The following FGGY variants were observed in gnomAD, a reference collection of about 807,000 sequenced individuals.
FGGY encodes the protein FGGY carbohydrate kinase domain containing.
Under a neutral mutation model 71.3 loss-of-function variants are expected in FGGY, and 72 were observed. That is an observed-to-expected ratio of 1.01 (90% confidence interval 0.84 to 1.23). The LOEUF (loss-of-function observed/expected upper bound fraction) is 1.23. Ranked by LOEUF, FGGY falls within the 50% of genes most tolerant of loss-of-function variation. The probability of loss-of-function intolerance (pLI) is 0.00; values close to 1 mark genes in which losing one functional copy is unlikely to be tolerated. For missense variants in FGGY, 668 were observed against 682.3 expected (o/e 0.98, Z 0.23); for synonymous variants, 251 against 250.3 (o/e 1.00, Z -0.02).
intron 12 of FGGY, among the ~76,000 whole-genome samples, chr1:59,661,636 C>G (rs2097274492): frequency 6.6e-6 from 1 of 151,934 alleles, no homozygotes; most frequent in African/African-American, 2.4e-5. Context: ...ATTTAGCTGT[C>G]CTGTTTTATA....
intron 1 of FGGY, among the ~76,000 whole-genome samples, chr1:59,312,499 T>C (rs946052315): frequency 2.6e-5 from 4 of 152,184 alleles, no homozygotes; most frequent in Non-Finnish European, 4.4e-5. Context: ...GAAGAAGGCA[T>C]TATAAACAAG....
chr1:59,446,636 G>T (rs2071315073), intron 5 of FGGY, among the ~76,000 whole-genome samples: 1 of 152,168 alleles, frequency 6.6e-6, no homozygotes, highest in African/African-American at 2.4e-5. Context: ...TTCAGGGCTG[G>T]TAATTCAGTC....
intron 15 of FGGY, among the ~76,000 whole-genome samples, chr1:59,759,935 T>C (rs1413875114): frequency 3.9e-5 from 6 of 152,224 alleles, no homozygotes; most frequent in Non-Finnish European, 4.4e-5. Context: ...TATGTGGCTC[T>C]GGAAGAGTCA....
chr1:59,333,258 T>C (rs1006699753), intron 2 of FGGY, among the ~76,000 whole-genome samples: 1 of 152,218 alleles, frequency 6.6e-6, no homozygotes, highest in African/African-American at 2.4e-5. Flanking sequence ...AAGTCAGACA[T>C]GCACTTTCTG....
chr1:59,546,514 G>T (rs867809983), intron 7 of FGGY, among the ~76,000 whole-genome samples: 25 of 144,898 alleles, frequency 1.7e-4, no homozygotes, highest in African/African-American at 6.4e-4. Context: ...TGATGATGAT[G>T]ATGATGATGA....
chr1:59,329,652 C>T (rs1201886756), intron 2 of FGGY, among the ~76,000 whole-genome samples: 1 of 152,168 alleles, frequency 6.6e-6, no homozygotes, highest in East Asian at 1.9e-4. Flanking sequence ...TGCAATGCTC[C>T]CTTTAGCGTA....
chr1:59,525,556 G>A (rs1411750371), intron 7 of FGGY, among the ~76,000 whole-genome samples: 1 of 152,176 alleles, frequency 6.6e-6, no homozygotes, highest in Non-Finnish European at 1.5e-5. Flanking sequence ...GCCATACTCT[G>A]TGTGTGTTTA....
At chr1:59,372,184 AAAG>A (rs1398265956) in intron 4 of FGGY, among the ~76,000 whole-genome samples, 4,248 of 152,250 alleles carry the variant, frequency 0.028, 214 homozygotes, top group African/African-American at 0.097. Flanking sequence ...ATAAAGAAAA[AAAG>A]AAGAATCAAA....
chr1:59,701,728 AGG>A (rs1437228701), intron 14 of FGGY, among the ~76,000 whole-genome samples: 1 of 152,040 alleles, frequency 6.6e-6, no homozygotes, highest in Non-Finnish European at 1.5e-5. Context: ...GTGTTTGGAG[AGG>A]GGTATGCATG....
Position 59,412,212 on chromosome 1 carries a change from G to T in FGGY, c.554+33375G>T, listed in dbSNP as rs116663776. On this transcript the variant is annotated intron_variant, in intron 5 of 15. Coordinates refer to ENST00000303721, the MANE Select transcript of FGGY (RefSeq NM_018291.5). Reference sequence around the variant, plus strand: ...CTCATGCTGCATGCTTTTCCATAGGGCACCCCACGAGGTTCCATGGGGTTT... The same window carrying T: ...CTCATGCTGCATGCTTTTCCATAGGTCACCCCACGAGGTTCCATGGGGTTT... Among the ~76,000 whole-genome samples, 1,106 of 152,204 alleles carry T rather than the reference G, an allele frequency of 7.3e-3. 23 individuals carry two copies. Among genetic ancestry groups the T allele is most frequent in the African/African-American group, 0.025 (1,042 of 41,510 alleles).
intron 5 of FGGY, among the ~76,000 whole-genome samples, chr1:59,436,735 G>A (rs1023095625): frequency 2.6e-5 from 4 of 152,114 alleles, no homozygotes; most frequent in African/African-American, 9.7e-5. Flanking sequence ...CTCAGCCTGT[G>A]CCTGGAGACT....
At chr1:59,354,066 T>TCCC (rs2053805112) in intron 4 of FGGY, among the ~76,000 whole-genome samples, 1 of 150,332 alleles carries the variant, frequency 6.7e-6, no homozygotes, top group Non-Finnish European at 1.5e-5. Context: ...TACCCTATAA[T>TCCC]TATTGTATTT....
intron 10 of FGGY, among the ~76,000 whole-genome samples, chr1:59,636,090 A>G (rs2096956208): frequency 6.6e-6 from 1 of 152,148 alleles, no homozygotes; most frequent in South Asian, 2.1e-4. Flanking sequence ...TCCTAATAAG[A>G]TCTAAGGAAG....
At chr1:59,322,566 A>T (rs1213643604) in intron 2 of FGGY, among the ~76,000 whole-genome samples, 1 of 152,134 alleles carries the variant, frequency 6.6e-6, no homozygotes, top group Non-Finnish European at 1.5e-5. Flanking sequence ...GATGAGAGGA[A>T]CTGCATTTTG....
intron 9 of FGGY, among the ~76,000 whole-genome samples, chr1:59,609,285 T>G (rs1159463701): frequency 6.6e-6 from 1 of 152,176 alleles, no homozygotes; most frequent in African/African-American, 2.4e-5. Flanking sequence ...CTGTAAAACA[T>G]GCTAAGGAAT....
intron 5 of FGGY, among the ~76,000 whole-genome samples, chr1:59,432,535 AT>A (rs1027208079): frequency 3.9e-5 from 6 of 152,326 alleles, no homozygotes; most frequent in Non-Finnish European, 8.8e-5. Flanking sequence ...GAGTTAGAGT[AT>A]TGGTTAGTGT....
chr1:59,392,975 T>G (rs1324973681), intron 5 of FGGY, among the ~76,000 whole-genome samples: 1 of 152,220 alleles, frequency 6.6e-6, no homozygotes, highest in Non-Finnish European at 1.5e-5. Context: ...ATTATTCTTT[T>G]CAAAAGCGGA....
rs773047064 is a variant in FGGY at position 59,339,966 on chromosome 1, AC to A, written c.211del (p.Gln71LysfsTer5). 2 of 1,607,912 alleles carry A rather than the reference AC, an allele frequency of 1.2e-6. No homozygotes were observed. The highest frequency in any genetic ancestry group is 3.3e-5 in the Admixed American group (2 of 59,712). On this transcript the variant is annotated frameshift_variant, in exon 3 of 16. Coordinates refer to ENST00000303721, the MANE Select transcript of FGGY (RefSeq NM_018291.5). LOFTEE classifies it high-confidence loss of function. ...ATTTGTTTTTAAAACAGAAAGTTGT[AC>A]AAGGGATTGATTTAAACCAAATTCG... The part of the protein sequence containing the change: ...ACCVVTKKVV[Q>X]GIDLNQIRGL...
chr1:59,346,253 C>T lies in FGGY; in HGVS notation c.320C>T (p.Ser107Phe). Residue 107 changes from serine to phenylalanine, a missense_variant, in exon 4 of 16, where the codon TCC (serine) becomes TTC (phenylalanine). Ser to Phe is a radical substitution (Grantham distance 155, BLOSUM62 -2). This residue lies in a region of FGGY where 661 missense variants were observed against 661.6 expected (regional missense o/e 1.00). Coordinates refer to ENST00000303721, the MANE Select transcript of FGGY (RefSeq NM_018291.5). ...HPLPVNQEGD[S>F]HRNVIMWLDH... ...TCCCTCTCGTTTCTGCTAGGGGATT[C>T]CCATCGAAACGTCATCATGTGGCTG... The T allele has an allele frequency of 6.2e-7, 1 of 1,612,806 alleles. No individual in the cohort carries two copies. Among genetic ancestry groups the T allele is most frequent in the Non-Finnish European group, 8.5e-7 (1 of 1,179,640 alleles).
Sources: allele counts gnomAD v4.1 joint callset (sites outside exome capture counted in the v4.1 genomes callset), GRCh38; gene constraint gnomAD v4.1.1; regional missense constraint gnomAD v4.1.1; transcripts MANE v1.5; gene names NCBI Gene and HGNC (gene_info 2026-07-23, HGNC 2026-07-21).